Variants in DOCK1 observed in about 807,000 individuals in gnomAD.
The protein encoded by DOCK1 is dedicator of cytokinesis 1, also known as dedicator of cytokinesis protein 1.
DOCK1 carries 138 observed loss-of-function variants against 262.7 expected under a neutral mutation model. That is an observed-to-expected ratio of 0.53 (90% CI 0.46 to 0.61). The LOEUF is 0.61. Among genes scored for constraint, DOCK1 ranks in the 20% least tolerant of loss-of-function variants. DOCK1 has a pLI of 0.00. For missense variants in DOCK1, 1,908 were observed against 2,370.7 expected (o/e 0.80, Z 4.05); for synonymous variants, 866 against 867.4 (o/e 1.00, Z 0.03).
chr10:127,129,643 T>C (rs1261928890), intron 27 of DOCK1, among the ~76,000 whole-genome samples: 1 of 152,178 alleles, frequency 6.6e-6, no homozygotes, highest in Non-Finnish European at 1.5e-5. Context: ...TCCTGTCTTC[T>C]TGGAGTCGTG....
intron 1 of DOCK1, among the ~76,000 whole-genome samples, chr10:126,959,777 A>AGGACCTACTGGTT (rs2037050680): frequency 6.6e-6 from 1 of 151,868 alleles, no homozygotes; most frequent in Non-Finnish European, 1.5e-5. Flanking sequence ...AGACTGTTGG[A>AGGACCTACTGGTT]AGTTGTCTTT....
chr10:127,393,637 T>C (rs2066636804), intron 38 of DOCK1, among the ~76,000 whole-genome samples: 1 of 152,126 alleles, frequency 6.6e-6, no homozygotes, highest in African/African-American at 2.4e-5. Context: ...TCTGCCTTTG[T>C]GCTTGGAAAC....
intron 1 of DOCK1, among the ~76,000 whole-genome samples, chr10:126,953,390 AGTG>A (rs1342191178): frequency 1.6e-5 from 2 of 123,726 alleles, no homozygotes; most frequent in East Asian, 5.0e-4. Flanking sequence ...TAGTGTTGGT[AGTG>A]GTGGTATTGG....
intron 1 of DOCK1, among the ~76,000 whole-genome samples, chr10:126,925,794 A>T (rs575326539): frequency 6.6e-6 from 1 of 151,048 alleles, no homozygotes; most frequent in Admixed American, 6.6e-5. Flanking sequence ...CTGCAGAAAT[A>T]GGTCTACAAC....
intron 29 of DOCK1, among the ~76,000 whole-genome samples, chr10:127,288,385 A>C (rs1290764106): frequency 2.0e-5 from 3 of 152,168 alleles, no homozygotes; most frequent in Non-Finnish European, 2.9e-5. Context: ...GTATTTAGAA[A>C]TCATAATCTG....
chr10:127,331,127 T>C (rs962139158), intron 29 of DOCK1, among the ~76,000 whole-genome samples: 2 of 152,238 alleles, frequency 1.3e-5, no homozygotes, highest in Admixed American at 6.5e-5. Flanking sequence ...ATGAGTTGTC[T>C]GCTTCTTGTT....
chr10:127,178,716 GAGGA>G (rs2055426055), intron 27 of DOCK1, among the ~76,000 whole-genome samples: 1 of 152,202 alleles, frequency 6.6e-6, no homozygotes, highest in Non-Finnish European at 1.5e-5. Flanking sequence ...CAGTTTTAGA[GAGGA>G]GAGAAAAGGC....
intron 23 of DOCK1, among the ~76,000 whole-genome samples, chr10:127,080,189 T>C (rs958719483): frequency 6.6e-6 from 1 of 152,136 alleles, no homozygotes; most frequent in Non-Finnish European, 1.5e-5. Flanking sequence ...TACCACAGTA[T>C]GTATGAGTCC....
chr10:127,122,462 G>A (rs550050371), intron 25 of DOCK1, among the ~76,000 whole-genome samples: 34 of 152,154 alleles, frequency 2.2e-4, no homozygotes, highest in African/African-American at 7.7e-4. Flanking sequence ...ACTGAGGCAT[G>A]TTGGATGGCT....
intron 27 of DOCK1, among the ~76,000 whole-genome samples, chr10:127,181,560 T>G (rs571089385): frequency 6.6e-6 from 1 of 152,340 alleles, no homozygotes; most frequent in African/African-American, 2.4e-5. Context: ...CAAGGGATTG[T>G]ATGAAATTAT....
rs1386852861 is a variant in DOCK1, at chr10:126,971,526, G to GCCA, written c.130+744_130+746dup. 2.2e-4 allele frequency among the ~76,000 whole-genome samples: 33 copies of GCCA among 151,904 alleles called. No homozygotes were observed. The East Asian group carries it at 6.0e-3, about 28-fold the overall frequency. On this transcript the variant is annotated intron_variant, in intron 2 of 51. Transcript: ENST00000623213. Reference sequence around the variant, plus strand: ...CCCCATCTTGGGCTCAAGCAGTCTTGCCACCTCAGGCTCCCAAGTAGCTGG... The same window carrying GCCA: ...CCCCATCTTGGGCTCAAGCAGTCTTGCCACCACCTCAGGCTCCCAAGTAGCTGG...
chr10:127,444,702 G>T (rs1565097510), intron 50 of DOCK1, among the ~76,000 whole-genome samples: 1 of 152,170 alleles, frequency 6.6e-6, no homozygotes, highest in Non-Finnish European at 1.5e-5. Flanking sequence ...TTTGACCAAT[G>T]TTTAAATTAC....
chr10:127,018,287 G>C (rs560366168), intron 12 of DOCK1, among the ~76,000 whole-genome samples: 1 of 152,164 alleles, frequency 6.6e-6, no homozygotes, highest in Non-Finnish European at 1.5e-5. Flanking sequence ...TCGAAGCTAC[G>C]AATTCACCTC....
chr10:127,063,035 A>C (rs4751533), intron 23 of DOCK1, among the ~76,000 whole-genome samples: 140,797 of 152,274 alleles, frequency 0.92, 65,092 homozygotes, highest in Admixed American at 0.95. Flanking sequence ...GACCCCCACA[A>C]TCTTGGTTAT....
At chr10:127,206,335 G>C (rs150859833) in intron 27 of DOCK1, among the ~76,000 whole-genome samples, 4,974 of 151,960 alleles carry the variant, frequency 0.033, 122 homozygotes, top group Non-Finnish European at 0.044. Context: ...GTAGAGACAG[G>C]GTTTTGCCAT....
chr10:127,302,739 G>GGT (rs1359861325), intron 29 of DOCK1, among the ~76,000 whole-genome samples: 1 of 124,538 alleles, frequency 8.0e-6, no homozygotes, highest in African/African-American at 3.0e-5. Flanking sequence ...TGGAAAAGAG[G>GGT]GGGTGTGTGT....
At chr10:127,133,622 C>T (rs1432095239) in intron 27 of DOCK1, among the ~76,000 whole-genome samples, 2 of 152,174 alleles carry the variant, frequency 1.3e-5, no homozygotes, top group African/African-American at 4.8e-5. Context: ...TATGGGTTTA[C>T]TGCAGAAGAA....
intron 27 of DOCK1, among the ~76,000 whole-genome samples, chr10:127,130,442 A>G (rs10829444): frequency 0.068 from 10,278 of 152,126 alleles, 709 homozygotes; most frequent in African/African-American, 0.18. Context: ...CCACTGGTCA[A>G]CAGTTAAACT....
At chr10:127,059,128 C>A (rs572849143) in intron 22 of DOCK1, among the ~76,000 whole-genome samples, 2 of 152,178 alleles carry the variant, frequency 1.3e-5, no homozygotes, top group African/African-American at 4.8e-5. Flanking sequence ...TCCATGTATT[C>A]TATTCTATTT....
Sources: gnomAD v4.1 joint callset for allele counts (sites outside exome capture counted in the v4.1 genomes callset) on GRCh38, gnomAD v4.1.1 for gene constraint, MANE v1.5 for transcripts, NCBI Gene and HGNC (gene_info 2026-07-23, HGNC 2026-07-21) for gene names.